The following GABRB1 variants were observed in gnomAD, a reference collection of about 807,000 sequenced individuals.
The protein encoded by GABRB1 is gamma-aminobutyric acid type A receptor subunit beta1.
In GABRB1, 17 loss-of-function variants were observed where a neutral mutation model predicts 51.6. The observed-to-expected ratio is 0.33, with a 90% CI of 0.23 to 0.49. The LOEUF is 0.49. Ranked by LOEUF, GABRB1 falls within the 20% of genes least tolerant of loss-of-function variation. GABRB1 has a pLI of 0.99. For missense variants in GABRB1, 410 were observed against 600.6 expected (o/e 0.68, Z 3.32); for synonymous variants, 247 against 218.9 (o/e 1.13, Z -1.14).
At chr4:47,359,859 C>T (rs1005967043) in intron 5 of GABRB1, among the ~76,000 whole-genome samples, 3 of 152,042 alleles carry the variant, frequency 2.0e-5, no homozygotes, top group African/African-American at 7.2e-5. Flanking sequence ...ACATGAAACA[C>T]CTCAATGAGA....
At chr4:47,415,180 C>T (rs762953891) in intron 8 of GABRB1, among the ~76,000 whole-genome samples, 80 of 152,068 alleles carry the variant, frequency 5.3e-4, no homozygotes, top group Non-Finnish European at 9.8e-4. Flanking sequence ...CTTTGGTGAA[C>T]AAGAAAGAAG....
intron 3 of GABRB1, among the ~76,000 whole-genome samples, chr4:47,064,033 G>A (rs1214830109): frequency 6.6e-6 from 1 of 152,142 alleles, no homozygotes; most frequent in African/African-American, 2.4e-5. Context: ...ACATACCCAT[G>A]TATCCCAGAA....
At chr4:47,167,882 A>G (rs1718262764) in intron 4 of GABRB1, among the ~76,000 whole-genome samples, 1 of 152,116 alleles carries the variant, frequency 6.6e-6, no homozygotes, top group African/African-American at 2.4e-5. Context: ...AGCCTCCAGA[A>G]CTGGGAGCCA....
chr4:47,110,019 T>C (rs921484166), intron 3 of GABRB1, among the ~76,000 whole-genome samples: 1 of 152,036 alleles, frequency 6.6e-6, no homozygotes, highest in African/African-American at 2.4e-5. Context: ...AGCATTGAGT[T>C]TGGGTCAAGA....
chr4:47,249,314 G>T (rs1038900041), intron 4 of GABRB1, among the ~76,000 whole-genome samples: 3 of 152,174 alleles, frequency 2.0e-5, no homozygotes, highest in Non-Finnish European at 2.9e-5. Flanking sequence ...TATTTGCATG[G>T]TTTTGAAGGT....
intron 3 of GABRB1, among the ~76,000 whole-genome samples, chr4:47,043,503 T>C (rs550947387): frequency 6.6e-6 from 1 of 152,184 alleles, no homozygotes; most frequent in African/African-American, 2.4e-5. Context: ...AAAATCACTG[T>C]TACCAGACAT....
At chr4:47,112,258 G>A (rs1715252578) in intron 3 of GABRB1, among the ~76,000 whole-genome samples, 1 of 152,014 alleles carries the variant, frequency 6.6e-6, no homozygotes, top group Admixed American at 6.5e-5. Flanking sequence ...AAGATATTGG[G>A]CCAAATCTGA....
chr4:47,105,307 C>T (rs897945814), intron 3 of GABRB1, among the ~76,000 whole-genome samples: 1 of 152,074 alleles, frequency 6.6e-6, no homozygotes, highest in African/African-American at 2.4e-5. Flanking sequence ...ATCAATCTCT[C>T]TTTTATCTCT....
At chr4:47,406,238 C>T (rs551605657) in intron 7 of GABRB1, among the ~76,000 whole-genome samples, 36 of 152,296 alleles carry the variant, frequency 2.4e-4, no homozygotes, top group Admixed American at 5.9e-4. Flanking sequence ...AGATCTCAAA[C>T]TAGTCACCAG....
chr4:47,354,980 G>GTTTT lies in GABRB1; in HGVS notation c.544+34793_544+34796dup, dbSNP rs71195627. ...CCTTCCTTTCTTTCTTTCTTCCTTT[G>GTTTT]TTTTTTTTTTTTTTTTTTTTTTTTT... On this transcript the variant is annotated intron_variant, in intron 5 of 8. Transcript: ENST00000295454. Among the ~76,000 whole-genome samples, 51 of 44,236 alleles carry GTTTT rather than the reference G, an allele frequency of 1.2e-3. 7 individuals are homozygous for GTTTT. The highest frequency in any genetic ancestry group is 3.6e-3 in the African/African-American group (37 of 10,202). The allele number at this position is 44,236 out of a possible 152,430, so 29.0% of individuals were successfully genotyped here.
At chr4:47,184,173 T>C (rs1422577724) in intron 4 of GABRB1, among the ~76,000 whole-genome samples, 1 of 151,936 alleles carries the variant, frequency 6.6e-6, no homozygotes, top group African/African-American at 2.4e-5. Flanking sequence ...CAGAACAACA[T>C]TGAAGGAAAT....
At position 47,252,687 on chromosome 4, in the gene GABRB1, T is replaced by C. The variant is rs141422482; in HGVS notation, c.462-67440T>C. Among the ~76,000 whole-genome samples, 336 of 151,990 alleles carry C rather than the reference T, an allele frequency of 2.2e-3. 2 individuals carry two copies. Among genetic ancestry groups the C allele is most frequent in the African/African-American group, 7.2e-3 (297 of 41,444 alleles). On this transcript the variant is annotated intron_variant, in intron 4 of 8. Transcript: ENST00000295454. Reference sequence around the variant, plus strand: ...CATGCCTGGCTAATTTTTGTATTTTTAGTAGAGACGGGCTTTCACCATATT... The same window carrying C: ...CATGCCTGGCTAATTTTTGTATTTTCAGTAGAGACGGGCTTTCACCATATT...
chr4:47,289,471 A>G (rs1560315991), intron 4 of GABRB1, among the ~76,000 whole-genome samples: 2 of 152,190 alleles, frequency 1.3e-5, no homozygotes, highest in African/African-American at 2.4e-5. Context: ...GTGAACCTAC[A>G]CCCATTTGTC....
chr4:47,040,460 G>C (rs1725791052), intron 3 of GABRB1, among the ~76,000 whole-genome samples: 1 of 152,082 alleles, frequency 6.6e-6, no homozygotes, highest in Non-Finnish European at 1.5e-5. Flanking sequence ...AGGGGTTAGA[G>C]AAGAAATGAG....
chr4:47,266,446 T>C (rs962290077), intron 4 of GABRB1, among the ~76,000 whole-genome samples: 1 of 152,150 alleles, frequency 6.6e-6, no homozygotes, highest in Non-Finnish European at 1.5e-5. Context: ...GATTGTTTTT[T>C]CTAATTCTGT....
At chr4:47,206,411 G>A (rs1033335612) in intron 4 of GABRB1, among the ~76,000 whole-genome samples, 21 of 151,942 alleles carry the variant, frequency 1.4e-4, no homozygotes, top group Admixed American at 1.1e-3. Flanking sequence ...TCTTTCAAAG[G>A]TATATCTAAT....
chr4:47,261,965 G>A (rs1453675979), intron 4 of GABRB1, among the ~76,000 whole-genome samples: 2 of 151,712 alleles, frequency 1.3e-5, no homozygotes, highest in Non-Finnish European at 2.9e-5. Context: ...TTTAATAAAT[G>A]GTGCTGGGAA....
At chr4:46,995,176 T>C (rs1723948854) in intron 1 of GABRB1, among the ~76,000 whole-genome samples, 1 of 152,202 alleles carries the variant, frequency 6.6e-6, no homozygotes, top group Admixed American at 6.5e-5. Context: ...TAAATATTTA[T>C]TGAATGAACA....
chr4:47,395,723 G>C (rs1728157131), intron 5 of GABRB1, among the ~76,000 whole-genome samples: 1 of 152,112 alleles, frequency 6.6e-6, no homozygotes, highest in Non-Finnish European at 1.5e-5. Context: ...TAAAAGTTTA[G>C]AGTGAAAATT....
Sources: gnomAD v4.1 joint callset for allele counts (sites outside exome capture counted in the v4.1 genomes callset) on GRCh38, gnomAD v4.1.1 for gene constraint, MANE v1.5 for transcripts, NCBI Gene and HGNC (gene_info 2026-07-23, HGNC 2026-07-21) for gene names.